PIGX: variants seen among roughly 807,000 people sequenced by gnomAD.
The protein encoded by PIGX is GPI alpha-1,4-mannosyltransferase I, stabilizing subunit.
In PIGX, 24 loss-of-function variants were observed where a neutral mutation model predicts 28.7. The ratio of observed to expected loss-of-function variants is 0.84; its 90% CI spans 0.60 to 1.17. The LOEUF is 1.17. Ranked by LOEUF, PIGX falls within the 50% of genes most tolerant of loss-of-function variation. The probability of loss-of-function intolerance (pLI) is 0.00; values close to 1 mark genes in which losing one functional copy is unlikely to be tolerated. For missense variants in PIGX, 305 were observed against 317.8 expected, an observed-to-expected ratio of 0.96 and a Z score of 0.31; for synonymous variants, 127 against 121.0, an observed-to-expected ratio of 1.05 and a Z score of -0.33.
rs1372450468 is a variant in PIGX, at chr3:196,712,432, A to T, written c.-101A>T. ...ACCCAGCACTCGGTCCCAGCCGATA[A>T]ATCTGGGGCAGCGCGCGGTAGGAGC... On this transcript the variant is annotated 5_prime_UTR_variant, in exon 1 of 6. Coordinates refer to ENST00000392391, the MANE Select transcript of PIGX (RefSeq NM_017861.4). 4.2e-6 allele frequency: 2 copies of T among 472,044 alleles called. No homozygotes were observed. Among genetic ancestry groups the T allele is most frequent in the Non-Finnish European group, 6.0e-6 (2 of 331,972 alleles). 29.2% of individuals were successfully genotyped at this position (472,044 alleles called of 1,614,324 possible).
chr3:196,723,529 T>C (rs946059756), intron 3 of PIGX, among the ~76,000 whole-genome samples: 1 of 152,156 alleles, frequency 6.6e-6, no homozygotes, highest in African/African-American at 2.4e-5. Flanking sequence ...GGGGCACTTT[T>C]GTACAGAGTA....
chr3:196,727,662 G>C (rs1316297723), intron 3 of PIGX, among the ~76,000 whole-genome samples: 1 of 152,026 alleles, frequency 6.6e-6, no homozygotes, highest in Non-Finnish European at 1.5e-5. Context: ...AATATTACAG[G>C]AATAATTTTT....
At position 196,713,836 on chromosome 3, in the gene PIGX, CAAAAAAAAAA is replaced by C. The variant is rs200901752; in HGVS notation, c.112+1200_112+1209del. ...TGGGTGACAGAGGGAGACTCTGTCT[CAAAAAAAAAA>C]AAAAAAAGGAAAAAGAAGTCAATTT... On this transcript the variant is annotated intron_variant, in intron 1 of 5. Coordinates refer to ENST00000392391, the MANE Select transcript of PIGX (RefSeq NM_017861.4). 2.3e-4 allele frequency among the ~76,000 whole-genome samples: 24 copies of C among 105,746 alleles called. 1 individual carries two copies. The South Asian group carries it at 6.8e-3, about 30-fold the overall frequency. 69.4% of individuals were successfully genotyped at this position (105,746 alleles called of 152,430 possible). A position where few individuals can be genotyped will look rare whatever the true frequency, so the allele number is the denominator to read the frequency against.
intron 3 of PIGX, among the ~76,000 whole-genome samples, chr3:196,724,304 C>T (rs867767929): frequency 2.0e-5 from 3 of 151,964 alleles, no homozygotes; most frequent in Non-Finnish European, 2.9e-5. Context: ...CATGAGCCAC[C>T]GGCCAGAAGG....
In PIGX at chr3:196,728,182, G is replaced by T. The variant is rs374322854; in HGVS notation, c.532+46G>T. On this transcript the variant is annotated intron_variant, in intron 4 of 5. Transcript: ENST00000392391. ...CTAAGGGTTGAAACATCAGAATAAA[G>T]GTATGGTGGCAAGTCCTCCTTCTGC... 1.6e-4 allele frequency: 247 copies of T among 1,500,628 alleles called. 1 individual carries two copies. Among genetic ancestry groups the T allele is most frequent in the Non-Finnish European group, 2.2e-4 (243 of 1,083,064 alleles). 93.0% of individuals were successfully genotyped at this position (1,500,628 alleles called of 1,614,324 possible). A position where few individuals can be genotyped will look rare whatever the true frequency, so the allele number is the denominator to read the frequency against.
Position 196,728,045 on chromosome 3 carries a change from T to G in PIGX, c.441T>G (p.Pro147=). Residue 147 remains proline (P), a synonymous_variant, in exon 4 of 6, where the codon CCT becomes CCG. Coordinates refer to ENST00000392391, the MANE Select transcript of PIGX (RefSeq NM_017861.4). ...TTGACTGTTTTCAAGCCTTTTTGCCTGTGCACTGCCGCTATCATCGGCCGC... is the reference window on the plus strand; with the variant it reads ...TTGACTGTTTTCAAGCCTTTTTGCCGGTGCACTGCCGCTATCATCGGCCGC... 1 of 1,614,186 alleles carries G rather than the reference T, an allele frequency of 6.2e-7. No individual in the cohort carries two copies. Among genetic ancestry groups the G allele is most frequent in the South Asian group, 1.1e-5 (1 of 91,092 alleles).
chr3:196,727,249 G>A (rs1482511648), intron 3 of PIGX, among the ~76,000 whole-genome samples: 1 of 152,212 alleles, frequency 6.6e-6, no homozygotes, highest in African/African-American at 2.4e-5. Flanking sequence ...GTATGTATAT[G>A]TGGATATATG....
At chr3:196,713,689 T>C (rs1487105346) in intron 1 of PIGX, among the ~76,000 whole-genome samples, 1 of 151,772 alleles carries the variant, frequency 6.6e-6, no homozygotes, top group Non-Finnish European at 1.5e-5. Flanking sequence ...GGGTCAAAAT[T>C]AGCGGGGCGT....
intron 4 of PIGX, among the ~76,000 whole-genome samples, chr3:196,728,927 T>C (rs1712630956): frequency 1.3e-5 from 2 of 152,212 alleles, no homozygotes; most frequent in Non-Finnish European, 2.9e-5. Flanking sequence ...TGTATTTTGA[T>C]GTTTGGGAAG....
At chr3:196,732,251 TATATATTTTATTTTA>T (rs1712820822) in intron 5 of PIGX, among the ~76,000 whole-genome samples, 2 of 37,686 alleles carry the variant, frequency 5.3e-5, no homozygotes, top group African/African-American at 3.1e-4. Flanking sequence ...TATATATATA[TATATATTTTATTTTA>T]TTTTATTTTT....
At chr3:196,715,067 T>C (rs918192098) in intron 1 of PIGX, among the ~76,000 whole-genome samples, 30 of 151,950 alleles carry the variant, frequency 2.0e-4, no homozygotes, top group African/African-American at 7.0e-4. Context: ...AGAGTGAGAC[T>C]CCGTCTCAAA....
At chr3:196,713,305 G>A (rs1320875597) in intron 1 of PIGX, among the ~76,000 whole-genome samples, 2 of 12,478 alleles carry the variant, frequency 1.6e-4, no homozygotes, top group Non-Finnish European at 2.7e-4. Flanking sequence ...ATGAGGCCAA[G>A]AAGATTTTTT....
At chr3:196,714,969 T>A (rs1450392553) in intron 1 of PIGX, among the ~76,000 whole-genome samples, 1 of 151,980 alleles carries the variant, frequency 6.6e-6, no homozygotes, top group Non-Finnish European at 1.5e-5. Flanking sequence ...CCAGCTACTC[T>A]GGAGGCTGAG....
chr3:196,715,865 G>A (rs1712075827), intron 1 of PIGX, among the ~76,000 whole-genome samples: 1 of 152,106 alleles, frequency 6.6e-6, no homozygotes, highest in African/African-American at 2.4e-5. Flanking sequence ...TTGCTATGTT[G>A]TCCAGGCTTG....
At chr3:196,718,120 C>A (rs1177281914) in intron 2 of PIGX, among the ~76,000 whole-genome samples, 1 of 152,048 alleles carries the variant, frequency 6.6e-6, no homozygotes, top group African/African-American at 2.4e-5. Context: ...ACCAGCGTGG[C>A]AAACACGGTG....
chr3:196,729,483 C>T (rs9683373), intron 4 of PIGX, among the ~76,000 whole-genome samples: 2,273 of 151,178 alleles, frequency 0.015, 52 homozygotes, highest in African/African-American at 0.052. Flanking sequence ...CTCGGCTTAC[C>T]GCAATCTCCG....
intron 5 of PIGX, among the ~76,000 whole-genome samples, chr3:196,732,312 C>T (rs111680020): frequency 0.012 from 1,395 of 120,830 alleles, 33 homozygotes; most frequent in African/African-American, 0.043. Flanking sequence ...GACGGAGTCT[C>T]GCTCTGTTGC....
At chr3:196,727,618 C>A (rs555037163) in intron 3 of PIGX, among the ~76,000 whole-genome samples, 1 of 152,174 alleles carries the variant, frequency 6.6e-6, no homozygotes, top group Non-Finnish European at 1.5e-5. Flanking sequence ...GTCTTAGGTA[C>A]CTATTTTGTC....
At chr3:196,731,172 G>A in intron 5 of PIGX, 80 bp downstream of exon 5, 1 of 755,760 alleles carries the variant, frequency 1.3e-6, no homozygotes. Flanking sequence ...CCACATTTAA[G>A]AGATTAGCAT....
Sources: gnomAD v4.1 joint callset for allele counts (sites outside exome capture counted in the v4.1 genomes callset) on GRCh38, gnomAD v4.1.1 for gene constraint, MANE v1.5 for transcripts, NCBI Gene and HGNC (gene_info 2026-07-23, HGNC 2026-07-21) for gene names.